Variants in NAALADL2 observed in about 807,000 individuals in gnomAD.
NAALADL2 encodes the protein inactive N-acetylated-alpha-linked acidic dipeptidase-like protein 2.
A neutral mutation model predicts 87.2 loss-of-function variants in NAALADL2; 76 were observed. The ratio of observed to expected loss-of-function variants is 0.87; its 90% confidence interval spans 0.72 to 1.05. The LOEUF (loss-of-function observed/expected upper bound fraction) is 1.05, where lower values mean the gene tolerates loss of function less well. NAALADL2 is among the 50% of genes least tolerant of loss of function. NAALADL2 has a pLI of 0.00. For synonymous variants in NAALADL2, 354 were observed against 331.0 expected (o/e 1.07, Z -0.75); for missense variants, 1,089 against 945.8 (o/e 1.15, Z -1.99).
chr3:175,418,348 AAAG>A (rs1230168822), intron 5 of NAALADL2, among the ~76,000 whole-genome samples: 18 of 152,158 alleles, frequency 1.2e-4, no homozygotes, highest in Non-Finnish European at 2.2e-4. Context: ...TTTTAAAAAT[AAAG>A]AAGTTTTCCA....
intron 2 of NAALADL2, among the ~76,000 whole-genome samples, chr3:174,683,460 A>G (rs1283878673): frequency 1.3e-5 from 2 of 152,198 alleles, no homozygotes; most frequent in Non-Finnish European, 2.9e-5. Flanking sequence ...AAAACTGTAT[A>G]TAATTAAAAT....
At chr3:175,206,417 C>T (rs548069476) in intron 2 of NAALADL2, among the ~76,000 whole-genome samples, 49 of 151,146 alleles carry the variant, frequency 3.2e-4, no homozygotes, top group African/African-American at 1.1e-3. Context: ...TTTGCAGCTA[C>T]CTGGATGAGA....
chr3:175,195,131 A>G (rs1738786635), intron 2 of NAALADL2, among the ~76,000 whole-genome samples: 2 of 151,696 alleles, frequency 1.3e-5, no homozygotes. Context: ...CAGTAATGAT[A>G]GTTTATTTGG....
intron 2 of NAALADL2, among the ~76,000 whole-genome samples, chr3:175,141,537 G>C (rs1729992654): frequency 6.6e-6 from 1 of 151,954 alleles, no homozygotes; most frequent in Non-Finnish European, 1.5e-5. Flanking sequence ...AAGCTTGACT[G>C]GGATATCCAA....
intron 2 of NAALADL2, among the ~76,000 whole-genome samples, chr3:175,218,478 T>A (rs1325628264): frequency 6.7e-6 from 1 of 148,770 alleles, no homozygotes; most frequent in South Asian, 2.1e-4. Context: ...ACTCTTTTTT[T>A]ATCCAAATAT....
intron 1 of NAALADL2, among the ~76,000 whole-genome samples, chr3:175,079,052 A>G (rs892023983): frequency 1.3e-5 from 2 of 152,214 alleles, no homozygotes; most frequent in African/African-American, 4.8e-5. Context: ...CCCACTAGCA[A>G]CGTATGGGGT....
At chr3:175,628,750 TA>T in intron 11 of NAALADL2, among the ~76,000 whole-genome samples, 1 of 150,300 alleles carries the variant, frequency 6.7e-6, no homozygotes, top group East Asian at 1.9e-4. Context: ...TTTTTTCTTT[TA>T]AAAAGAGGAA....
chr3:175,011,660 T>A (rs551089285), intron 1 of NAALADL2, among the ~76,000 whole-genome samples: 22 of 152,110 alleles, frequency 1.4e-4, no homozygotes, highest in Non-Finnish European at 2.8e-4. Flanking sequence ...CTTTTTGAGG[T>A]CTGAGTTGGC....
intron 4 of NAALADL2, among the ~76,000 whole-genome samples, chr3:175,295,730 C>G (rs1206091159): frequency 6.6e-6 from 1 of 151,502 alleles, no homozygotes; most frequent in Non-Finnish European, 1.5e-5. Context: ...CACACACACA[C>G]ACACACACAC....
chr3:175,778,575 C>A (rs1441042649), intron 13 of NAALADL2, among the ~76,000 whole-genome samples: 1 of 152,174 alleles, frequency 6.6e-6, no homozygotes, highest in African/African-American at 2.4e-5. Flanking sequence ...AAGCAAAATG[C>A]AAACATCTCA....
At chr3:175,707,397 C>T (rs567388112) in intron 11 of NAALADL2, among the ~76,000 whole-genome samples, 62 of 152,138 alleles carry the variant, frequency 4.1e-4, no homozygotes, top group African/African-American at 1.3e-3. Context: ...CTATTCTTAA[C>T]GCATGAGCCA....
chr3:175,202,105 A>G (rs750451901), intron 2 of NAALADL2, among the ~76,000 whole-genome samples: 12 of 152,106 alleles, frequency 7.9e-5, no homozygotes, highest in East Asian at 3.9e-4. Flanking sequence ...CGCTTGCCCA[A>G]TGTGTCAAAG....
intron 2 of NAALADL2, among the ~76,000 whole-genome samples, chr3:175,154,904 T>A (rs1732075096): frequency 1.3e-5 from 2 of 152,130 alleles, no homozygotes. Context: ...CCTGTTATTT[T>A]AAAAAATAAA....
intron 12 of NAALADL2, 111 bp downstream of exon 12, chr3:175,737,510 G>C: frequency 1.5e-6 from 1 of 680,826 alleles, no homozygotes. Flanking sequence ...GCAATGCTGT[G>C]CTTCCTGGAG....
chr3:175,312,861 T>A (rs1758560676), intron 4 of NAALADL2, among the ~76,000 whole-genome samples: 1 of 152,248 alleles, frequency 6.6e-6, no homozygotes, highest in Non-Finnish European at 1.5e-5. Context: ...TAAAGTTGAC[T>A]CAAAGATCCA....
chr3:175,339,593 T>C (rs1560390676), intron 5 of NAALADL2, among the ~76,000 whole-genome samples: 1 of 152,186 alleles, frequency 6.6e-6, no homozygotes, highest in Non-Finnish European at 1.5e-5. Flanking sequence ...AGCAAAAGAA[T>C]GAATATGAGA....
At chr3:174,827,896 T>C (rs1722177648) in intron 3 of NAALADL2, among the ~76,000 whole-genome samples, 1 of 152,166 alleles carries the variant, frequency 6.6e-6, no homozygotes. Context: ...AAAGTTATCA[T>C]TTCCTGACTG....
intron 1 of NAALADL2, among the ~76,000 whole-genome samples, chr3:175,026,870 A>G (rs1366180882): frequency 6.6e-6 from 1 of 152,098 alleles, no homozygotes; most frequent in African/African-American, 2.4e-5. Flanking sequence ...AGAGATTCAC[A>G]TGAGTTATTT....
chr3:175,150,486 T>G (rs1179615575), intron 2 of NAALADL2, among the ~76,000 whole-genome samples: 1 of 152,210 alleles, frequency 6.6e-6, no homozygotes, highest in African/African-American at 2.4e-5. Context: ...GTTGTTTGTC[T>G]TTTGGAGCAA....
Sources: allele counts gnomAD v4.1 joint callset (sites outside exome capture counted in the v4.1 genomes callset), GRCh38; gene constraint gnomAD v4.1.1; transcripts MANE v1.5; gene names NCBI Gene and HGNC (gene_info 2026-07-23, HGNC 2026-07-21).